The following SYNE1 variants were observed in gnomAD, a reference collection of about 807,000 sequenced individuals.
SYNE1 encodes spectrin repeat containing nuclear envelope protein 1.
Under a neutral mutation model 1,111.0 loss-of-function variants are expected in SYNE1, and 616 were observed. The ratio of observed to expected loss-of-function variants is 0.55; its 90% confidence interval spans 0.52 to 0.59. The LOEUF is 0.59. Ranked by LOEUF, SYNE1 falls within the 20% of genes least tolerant of loss-of-function variation. SYNE1 has a pLI of 0.00. For missense variants in SYNE1, 10,006 were observed against 10,417.0 expected (o/e 0.96, Z 1.72); for synonymous variants, 3,855 against 3,825.8 (o/e 1.01, Z -0.28).
At chr6:152,566,824 CT>C (rs1338138094) in intron 3 of SYNE1, among the ~76,000 whole-genome samples, 1 of 152,092 alleles carries the variant, frequency 6.6e-6, no homozygotes. Flanking sequence ...TCCACAAACA[CT>C]TTTTTTGTGG....
At chr6:152,377,712 A>G (rs1426283034) in intron 56 of SYNE1, among the ~76,000 whole-genome samples, 2 of 136,124 alleles carry the variant, frequency 1.5e-5, no homozygotes, top group African/African-American at 5.5e-5. Context: ...TTTATGTTGT[A>G]TATACAGTTA....
intron 133 of SYNE1, among the ~76,000 whole-genome samples, chr6:152,152,422 C>T (rs1247619367): frequency 6.6e-6 from 1 of 152,140 alleles, no homozygotes; most frequent in East Asian, 1.9e-4. Flanking sequence ...CACACACATA[C>T]ATACACACAC....
intron 75 of SYNE1, 122 bp from the exon 76 acceptor site, chr6:152,337,139 A>T: frequency 2.3e-6 from 2 of 857,398 alleles, no homozygotes; most frequent in Admixed American, 4.8e-5. Context: ...ACACACGCAA[A>T]CTCACACACA....
chr6:152,218,829 C>A (rs376659777), intron 120 of SYNE1, among the ~76,000 whole-genome samples, 174 bp downstream of exon 120: 1 of 136,618 alleles, frequency 7.3e-6, no homozygotes, highest in Non-Finnish European at 1.5e-5. Context: ...CAGAGAACAG[C>A]GCAAAACGTC....
chr6:152,318,182 C>A lies in SYNE1; in HGVS notation c.16471G>T (p.Gly5491Cys). The A allele has an allele frequency of 6.2e-7, 1 of 1,614,126 alleles. No individual in the cohort carries two copies. The highest frequency in any genetic ancestry group is 8.5e-7 in the Non-Finnish European group (1 of 1,180,032). ...TTGGCCAGTGGCTTACCCAGTTGGC[C>A]ATTCTGTTCCAAGAATTTCTGTACT... ...AAVQKFLEQN[G>C]QLGKPLAKKI... is the part of the protein sequence containing the mutation. The change falls in exon 86 of 146, where the codon GGC (glycine) becomes TGC (cysteine). Residue 5491 changes from glycine (G) to cysteine (C), a missense_variant. Transcript: ENST00000367255.
chr6:152,414,716 T>G, intron 41 of SYNE1, among the ~76,000 whole-genome samples: 1 of 152,280 alleles, frequency 6.6e-6, no homozygotes, highest in South Asian at 2.1e-4. Flanking sequence ...ATGTGGCTCC[T>G]GAGCTCAACC....
At chr6:152,291,967 T>A (rs536320119) in intron 95 of SYNE1, among the ~76,000 whole-genome samples, 1 of 152,274 alleles carries the variant, frequency 6.6e-6, no homozygotes, top group East Asian at 1.9e-4. Flanking sequence ...ATACTCAACC[T>A]GAAGGAAGCT....
At chr6:152,554,272 T>C (rs1564818602) in intron 3 of SYNE1, among the ~76,000 whole-genome samples, 1 of 152,084 alleles carries the variant, frequency 6.6e-6, no homozygotes, top group African/African-American at 2.4e-5. Flanking sequence ...TTCTCATTAG[T>C]TGTATGCTAT....
chr6:152,415,453 C>T (rs2098136305), intron 41 of SYNE1, among the ~76,000 whole-genome samples: 1 of 152,156 alleles, frequency 6.6e-6, no homozygotes, highest in Non-Finnish European at 1.5e-5. Flanking sequence ...CTCCCCTCTA[C>T]AAGAGAACTG....
chr6:152,296,038 A>G (rs1044628279), intron 93 of SYNE1, among the ~76,000 whole-genome samples: 1 of 152,124 alleles, frequency 6.6e-6, no homozygotes, highest in African/African-American at 2.4e-5. Flanking sequence ...TTCATAATCC[A>G]ACTTCTGAAA....
At chr6:152,432,843 T>A (rs1004866124) in intron 34 of SYNE1, among the ~76,000 whole-genome samples, 71 of 152,244 alleles carry the variant, frequency 4.7e-4, no homozygotes, top group African/African-American at 1.7e-3. Flanking sequence ...CACATCTATT[T>A]TTCCTGGTAT....
Position 152,284,051 on chromosome 6 carries a change from G to A in SYNE1, c.18134C>T (p.Ser6045Phe), listed in dbSNP as rs925020821. 1.2e-6 allele frequency: 2 copies of A among 1,614,222 alleles called. No homozygotes were observed. Among genetic ancestry groups the A allele is most frequent in the Non-Finnish European group, 1.7e-6 (2 of 1,180,038 alleles). ...TCGCTCGGCTAAGACAGTGAGCGTG[G>A]ACTGCAAGGCCAGCTGCTCCGCAGG... Reference protein sequence around the residue: ...ADPAEQLALQSTLTVLAERMS... With the variant: ...ADPAEQLALQFTLTVLAERMS... Residue 6045 changes from serine (S) to phenylalanine (F), a missense_variant, in exon 96 of 146, where the codon TCC (serine) becomes TTC (phenylalanine). Around this residue, in one of 7 missense-constraint regions of SYNE1, gnomAD observed 4,955 missense variants for 5,017.2 expected, o/e 0.99. Transcript: ENST00000367255.
At chr6:152,201,603 T>G (rs1209060209) in intron 127 of SYNE1, among the ~76,000 whole-genome samples, 1 of 152,222 alleles carries the variant, frequency 6.6e-6, no homozygotes, top group African/African-American at 2.4e-5. Flanking sequence ...TGTTTTAAAT[T>G]TTCATTTGCT....
At chr6:152,496,501 C>T (rs778476759) in intron 11 of SYNE1, among the ~76,000 whole-genome samples, 27 of 152,128 alleles carry the variant, frequency 1.8e-4, no homozygotes, top group Non-Finnish European at 3.4e-4. Flanking sequence ...TGTTTAGTTT[C>T]TCAATTCACA....
intron 59 of SYNE1, 84 bp from the exon 60 acceptor site, chr6:152,369,698 C>G: frequency 2.0e-6 from 3 of 1,533,010 alleles, no homozygotes; most frequent in Non-Finnish European, 2.7e-6. Flanking sequence ...CAAAGTCCAC[C>G]CAGGCTGGGC....
chr6:152,329,994 C>T lies in SYNE1; in HGVS notation c.14691G>A (p.Leu4897=), dbSNP rs945845339. 6.2e-7 allele frequency: 1 copy of T among 1,614,206 alleles called. No homozygotes were observed. Among genetic ancestry groups the T allele is most frequent in the Non-Finnish European group, 8.5e-7 (1 of 1,180,044 alleles). ...CTGCCTTCACTCTCCTCAGCCAGTC[C>T]AGGGAGCGACTCATCTCAGTCTGGA... ...IDFQTEMSRS[L]DWLRRVKAEL... Residue 4897 remains leucine, a synonymous_variant, in exon 78 of 146, where the codon CTG becomes CTA. Transcript: ENST00000367255.
chr6:152,490,321 A>G (rs889876380), intron 11 of SYNE1, among the ~76,000 whole-genome samples: 2 of 98,550 alleles, frequency 2.0e-5, no homozygotes, highest in African/African-American at 6.5e-5. Context: ...ATATCTAGGA[A>G]CAACTACACA....
At chr6:152,236,043 G>A (rs558035577) in intron 110 of SYNE1, 64 bp downstream of exon 110, 31 of 1,540,536 alleles carry the variant, frequency 2.0e-5, no homozygotes, top group South Asian at 1.3e-4. Flanking sequence ...TCCCCCACCC[G>A]CACTAGCCTT....
At position 152,390,897 on chromosome 6, in the gene SYNE1, A is replaced by C. The variant is rs1486968102; in HGVS notation, c.8004+380T>G. 3.3e-5 allele frequency among the ~76,000 whole-genome samples: 5 copies of C among 152,088 alleles called. No individual in the cohort carries two copies. The East Asian group carries it at 9.6e-4, about 29-fold the overall frequency. On this transcript the variant is annotated intron_variant, in intron 52 of 145. Transcript: ENST00000367255. ...CTTGATGGCTTTAATCATGGCCCCT[A>C]CACACGGACTGTATTGAAAGTAACA...
Sources: allele counts gnomAD v4.1 joint callset (sites outside exome capture counted in the v4.1 genomes callset), GRCh38; gene constraint gnomAD v4.1.1; regional missense constraint gnomAD v4.1.1; transcripts MANE v1.5; gene names NCBI Gene and HGNC (gene_info 2026-07-23, HGNC 2026-07-21).